Variants in ACACA observed in about 807,000 individuals in gnomAD.
ACACA encodes the protein acetyl-CoA carboxylase alpha, also known as acetyl-CoA carboxylase 1.
In ACACA, 103 loss-of-function variants were observed where a neutral mutation model predicts 296.1. The ratio of observed to expected loss-of-function variants is 0.35; its 90% CI spans 0.30 to 0.41. The LOEUF is 0.41. Ranked by LOEUF, ACACA falls within the 10% of genes least tolerant of loss-of-function variation. The pLI is 1.00. For missense variants in ACACA, 1,554 were observed against 2,989.7 expected, an observed-to-expected ratio of 0.52 and a Z score of 11.20; for synonymous variants, 953 against 1,038.6, an observed-to-expected ratio of 0.92 and a Z score of 1.58.
At chr17:37,371,823 C>T (rs1215359192) in intron 1 of ACACA, among the ~76,000 whole-genome samples, 1 of 151,988 alleles carries the variant, frequency 6.6e-6, no homozygotes, top group East Asian at 1.9e-4. Context: ...TGGCTTGAAC[C>T]TGGGAGGCGG....
At chr17:37,089,121 C>T (rs374747818) in intron 54 of ACACA, 47 bp from the exon 55 acceptor site, 34 of 1,613,538 alleles carry the variant, frequency 2.1e-5, no homozygotes, top group Admixed American at 5.0e-5. Flanking sequence ...CAGGCCAGGC[C>T]GGGACACCCT....
At chr17:37,234,944 G>A in intron 25 of ACACA, 31 bp downstream of exon 25, 1 of 1,613,200 alleles carries the variant, frequency 6.2e-7, no homozygotes, top group South Asian at 1.1e-5. Flanking sequence ...ATCATTGACG[G>A]TCTTTACAAG....
intron 3 of ACACA, among the ~76,000 whole-genome samples, chr17:37,309,294 G>A (rs1301655506): frequency 1.3e-5 from 2 of 152,070 alleles, no homozygotes; most frequent in African/African-American, 2.4e-5. Context: ...CCAAAGCGCT[G>A]GGATTACAGG....
At chr17:37,134,486 T>A (rs532637967) in intron 45 of ACACA, among the ~76,000 whole-genome samples, 21 of 152,300 alleles carry the variant, frequency 1.4e-4, no homozygotes, top group Admixed American at 1.2e-3. Flanking sequence ...CTCAATTTTT[T>A]AAAAATTGCC....
chr17:37,306,440 CAT>C (rs2146953057), intron 3 of ACACA, among the ~76,000 whole-genome samples: 1 of 152,084 alleles, frequency 6.6e-6, no homozygotes, highest in East Asian at 1.9e-4. Flanking sequence ...AAGTATAAAA[CAT>C]ATATATGCAA....
At chr17:37,393,623 G>T (rs971493948) in intron 1 of ACACA, among the ~76,000 whole-genome samples, 1 of 151,916 alleles carries the variant, frequency 6.6e-6, no homozygotes, top group Non-Finnish European at 1.5e-5. Context: ...TGGGCAGATG[G>T]CTTGAGGCCA....
intron 41 of ACACA, among the ~76,000 whole-genome samples, chr17:37,176,785 C>T (rs2077132444): frequency 6.6e-6 from 1 of 152,136 alleles, no homozygotes; most frequent in Non-Finnish European, 1.5e-5. Flanking sequence ...CTATTGGTAG[C>T]AGAGTTTGAT....
intron 1 of ACACA, chr17:37,391,584 G>T: frequency 6.8e-7 from 1 of 1,463,524 alleles, no homozygotes; most frequent in Non-Finnish European, 9.6e-7. Flanking sequence ...CCCTTTTCTT[G>T]GTACATGAAG....
intron 47 of ACACA, among the ~76,000 whole-genome samples, chr17:37,128,334 G>A (rs970466043): frequency 2.6e-5 from 4 of 152,104 alleles, no homozygotes; most frequent in Non-Finnish European, 4.4e-5. Context: ...GGTCGTAAGT[G>A]CAAAAAAGAT....
At chr17:37,403,783 G>GT (rs751336710) in intron 1 of ACACA, among the ~76,000 whole-genome samples, 4 of 151,960 alleles carry the variant, frequency 2.6e-5, no homozygotes, top group Non-Finnish European at 2.9e-5. Flanking sequence ...TATGATTTTT[G>GT]TTTTTTTGTT....
intron 44 of ACACA, among the ~76,000 whole-genome samples, chr17:37,150,878 C>A (rs768794081): frequency 2.0e-4 from 30 of 151,890 alleles, no homozygotes; most frequent in Non-Finnish European, 4.4e-4. Context: ...ATGGTGAAAC[C>A]CCGGCTCTAT....
At chr17:37,363,888 C>T (rs369589005) in intron 1 of ACACA, among the ~76,000 whole-genome samples, 2 of 151,968 alleles carry the variant, frequency 1.3e-5, no homozygotes, top group South Asian at 2.1e-4. Flanking sequence ...TTCGGGAGGA[C>T]GAGGCGGGTG....
intron 1 of ACACA, among the ~76,000 whole-genome samples, chr17:37,390,304 T>TTTTATATATATATATA (rs1201500381): frequency 1.7e-4 from 3 of 17,974 alleles, no homozygotes; most frequent in African/African-American, 1.1e-3. Context: ...TTATACATAA[T>TTTTATATATATATATA]TATATATATA....
At chr17:37,369,270 G>A (rs1032233406) in intron 1 of ACACA, 2 of 152,164 alleles carry the variant, frequency 1.3e-5, no homozygotes, top group Non-Finnish European at 2.9e-5. Flanking sequence ...TAAAGCAGGA[G>A]GATCACTTGA....
chr17:37,135,904 CA>C (rs1196397921), intron 45 of ACACA, among the ~76,000 whole-genome samples: 1 of 151,056 alleles, frequency 6.6e-6, no homozygotes, highest in East Asian at 1.9e-4. Context: ...TAATTCCAAA[CA>C]GGAATTCTTT....
intron 1 of ACACA, among the ~76,000 whole-genome samples, chr17:37,390,271 A>ATACATAATT (rs1285790911): frequency 7.6e-4 from 39 of 51,020 alleles, no homozygotes; most frequent in Non-Finnish European, 1.1e-3. Flanking sequence ...AATTATATAT[A>ATACATAATT]ATATATTATA....
chr17:37,227,398 T>TATTTAA (rs2079587936), intron 25 of ACACA, among the ~76,000 whole-genome samples: 1 of 152,136 alleles, frequency 6.6e-6, no homozygotes, highest in Admixed American at 6.5e-5. Context: ...TAGATATCAC[T>TATTTAA]ACCTCTACTT....
intron 1 of ACACA, chr17:37,378,994 C>T (rs1016345721): frequency 2.0e-5 from 20 of 1,003,068 alleles, no homozygotes; most frequent in South Asian, 3.5e-5. Context: ...GCTTGGAGAT[C>T]GAGGGAGTTT....
chr17:37,121,707 A>T (rs1366035788), intron 49 of ACACA, among the ~76,000 whole-genome samples: 2 of 152,202 alleles, frequency 1.3e-5, no homozygotes, highest in Non-Finnish European at 2.9e-5. Flanking sequence ...TCCTGATTAT[A>T]ATAACTCTGT....
Sources: allele counts gnomAD v4.1 joint callset (sites outside exome capture counted in the v4.1 genomes callset), GRCh38; gene constraint gnomAD v4.1.1; transcripts MANE v1.5; gene names NCBI Gene and HGNC (gene_info 2026-07-23, HGNC 2026-07-21).